Variants in FAM135B observed in about 807,000 individuals in gnomAD.
The protein encoded by FAM135B is family with sequence similarity 135 member B.
Under a neutral mutation model 127.7 loss-of-function variants are expected in FAM135B, and 43 were observed. The ratio of observed to expected loss-of-function variants is 0.34; its 90% CI spans 0.26 to 0.43. FAM135B has a LOEUF of 0.43. FAM135B is among the 20% of genes least tolerant of loss of function. FAM135B has a pLI of 1.00. For missense variants in FAM135B, 1,558 were observed against 1,725.6 expected (o/e 0.90, Z 1.72); for synonymous variants, 670 against 665.1 (o/e 1.01, Z -0.11).
intron 2 of FAM135B, among the ~76,000 whole-genome samples, chr8:138,363,297 C>T (rs1334742837): frequency 6.6e-6 from 1 of 152,114 alleles, no homozygotes; most frequent in Non-Finnish European, 1.5e-5. Flanking sequence ...CCTTCTCTGC[C>T]TATATTAATT....
At chr8:138,195,673 C>T in intron 8 of FAM135B, among the ~76,000 whole-genome samples, 1 of 152,084 alleles carries the variant, frequency 6.6e-6, no homozygotes, top group East Asian at 1.9e-4. Flanking sequence ...CACACACACA[C>T]AGGTATACAT....
At chr8:138,271,907 A>C (rs944837546) in intron 3 of FAM135B, among the ~76,000 whole-genome samples, 1 of 151,972 alleles carries the variant, frequency 6.6e-6, no homozygotes, top group African/African-American at 2.4e-5. Context: ...TGGGTATATG[A>C]GTTTTCATTT....
intron 3 of FAM135B, 28 bp from the exon 4 acceptor site, chr8:138,265,870 A>G (rs1373999944): frequency 1.9e-6 from 3 of 1,609,594 alleles, no homozygotes; most frequent in Non-Finnish European, 2.5e-6. Flanking sequence ...GTAGGAACCC[A>G]TGAACTCCAA....
At chr8:138,207,822 T>A (rs1817821021) in intron 7 of FAM135B, among the ~76,000 whole-genome samples, 1 of 152,168 alleles carries the variant, frequency 6.6e-6, no homozygotes, top group Admixed American at 6.5e-5. Context: ...TCAATCTCCA[T>A]CACTCTCGGC....
At chr8:138,423,697 G>C (rs1223929941) in intron 1 of FAM135B, among the ~76,000 whole-genome samples, 1 of 152,130 alleles carries the variant, frequency 6.6e-6, no homozygotes, top group Non-Finnish European at 1.5e-5. Flanking sequence ...CATTTTCATT[G>C]ATAACATCTT....
intron 4 of FAM135B, among the ~76,000 whole-genome samples, chr8:138,263,660 G>A (rs1287950925): frequency 6.6e-6 from 1 of 152,202 alleles, no homozygotes; most frequent in Admixed American, 6.5e-5. Context: ...TTGAGGTATT[G>A]AAGCAGGCAA....
At chr8:138,245,115 C>T (rs1218672109) in intron 6 of FAM135B, among the ~76,000 whole-genome samples, 1 of 152,192 alleles carries the variant, frequency 6.6e-6, no homozygotes. Context: ...TTTTTACCCC[C>T]AACCCTGAAG....
Position 138,151,238 on chromosome 8 carries a change from G to A in FAM135B, c.3237C>T (p.Thr1079=), listed in dbSNP as rs1247356752. ...QPLGSFGVVS[T]HSSTLDEEVS... The stretch of plus-strand genomic sequence containing the variant: ...CTTCCTCATCCAACGTGCTGGAATG[G>A]GTAGAAACAACTCCAAAGGATCCCA... The change falls in exon 13 of 20, where the codon ACC becomes ACT. Residue 1079 remains threonine, a synonymous_variant. Coordinates refer to ENST00000395297, the MANE Select transcript of FAM135B (RefSeq NM_015912.4). 6.3e-7 allele frequency: 1 copy of A among 1,597,904 alleles called. No homozygotes were observed. Among genetic ancestry groups the A allele is most frequent in the Admixed American group, 1.8e-5 (1 of 56,936 alleles).
intron 2 of FAM135B, among the ~76,000 whole-genome samples, chr8:138,321,474 C>A (rs992486046): frequency 6.6e-6 from 1 of 152,184 alleles, no homozygotes; most frequent in Non-Finnish European, 1.5e-5. Flanking sequence ...GGTGTGCCCA[C>A]ACGTCTGGGC....
intron 1 of FAM135B, among the ~76,000 whole-genome samples, chr8:138,400,228 A>G (rs1294024198): frequency 6.6e-6 from 1 of 152,096 alleles, no homozygotes; most frequent in East Asian, 1.9e-4. Flanking sequence ...CGCTCCTCAG[A>G]TATTCCTGCT....
At chr8:138,250,677 C>A (rs1023449181) in intron 6 of FAM135B, among the ~76,000 whole-genome samples, 164 bp downstream of exon 6, 3 of 152,112 alleles carry the variant, frequency 2.0e-5, no homozygotes, top group Non-Finnish European at 4.4e-5. Flanking sequence ...GGACCTCCTC[C>A]TTCCTCTCTC....
intron 7 of FAM135B, among the ~76,000 whole-genome samples, chr8:138,208,793 G>A (rs1158358898): frequency 1.3e-5 from 2 of 152,102 alleles, no homozygotes; most frequent in African/African-American, 4.8e-5. Context: ...TTCCACTGGT[G>A]TACTTAAGTG....
intron 7 of FAM135B, among the ~76,000 whole-genome samples, chr8:138,235,038 T>G (rs1586842541): frequency 6.6e-6 from 1 of 152,244 alleles, no homozygotes; most frequent in African/African-American, 2.4e-5. Context: ...ACCATATTCC[T>G]TATCTTTTTC....
chr8:138,396,531 A>G (rs1832863274), intron 1 of FAM135B, among the ~76,000 whole-genome samples: 1 of 152,162 alleles, frequency 6.6e-6, no homozygotes, highest in Non-Finnish European at 1.5e-5. Flanking sequence ...CGAATGCCTG[A>G]TAAATATTTG....
At chr8:138,151,141 T>C in intron 13 of FAM135B, 53 bp downstream of exon 13, 1 of 1,378,348 alleles carries the variant, frequency 7.3e-7, no homozygotes, top group South Asian at 1.6e-5. Context: ...GAGAAATATG[T>C]GGAAAAATCT....
At chr8:138,468,659 C>T (rs181841563) in intron 1 of FAM135B, among the ~76,000 whole-genome samples, 462 of 152,302 alleles carry the variant, frequency 3.0e-3, no homozygotes, top group Non-Finnish European at 4.1e-3. Context: ...TTAAACATCA[C>T]AACTGAAAAT....
At chr8:138,157,254 T>C (rs578154311) in intron 12 of FAM135B, among the ~76,000 whole-genome samples, 1 of 152,308 alleles carries the variant, frequency 6.6e-6, no homozygotes, top group East Asian at 1.9e-4. Context: ...CAGCACTTCA[T>C]GCTAAAAATT....
intron 1 of FAM135B, chr8:138,439,904 A>C (rs562937567): frequency 6.6e-6 from 1 of 152,208 alleles, no homozygotes; most frequent in African/African-American, 2.4e-5. Flanking sequence ...GTACTTCTAA[A>C]GTAATTCAAT....
At chr8:138,251,465 C>G (rs1821690340) in intron 5 of FAM135B, among the ~76,000 whole-genome samples, 1 of 152,184 alleles carries the variant, frequency 6.6e-6, no homozygotes, top group South Asian at 2.1e-4. Context: ...GGGACTATGA[C>G]TAATGCGTCT....
Sources: gnomAD v4.1 joint callset for allele counts (sites outside exome capture counted in the v4.1 genomes callset) on GRCh38, gnomAD v4.1.1 for gene constraint, MANE v1.5 for transcripts, NCBI Gene and HGNC (gene_info 2026-07-23, HGNC 2026-07-21) for gene names.